The following ATXN7L1 variants were observed in gnomAD, a reference collection of about 807,000 sequenced individuals.
The protein encoded by ATXN7L1 is ataxin 7 like 1, also known as ataxin-7-like protein 1.
A neutral mutation model predicts 70.8 loss-of-function variants in ATXN7L1; 15 were observed. The observed-to-expected ratio is 0.21, with a 90% CI of 0.14 to 0.33. The LOEUF (loss-of-function observed/expected upper bound fraction) is 0.33, where lower values mean the gene tolerates loss of function less well. ATXN7L1 is among the 10% of genes least tolerant of loss of function. The probability of loss-of-function intolerance (pLI) is 1.00; values close to 1 mark genes in which losing one functional copy is unlikely to be tolerated. For synonymous variants in ATXN7L1, 440 were observed against 445.1 expected (o/e 0.99, Z 0.14); for missense variants, 975 against 1,097.1 (o/e 0.89, Z 1.57).
Position 105,876,575 on chromosome 7 carries a change from C to A in ATXN7L1, c.-17G>T, listed in dbSNP as rs1447112438. ...CGACGTCATCTTCGGAACGTTCCGA[C>A]ATTGAGTGTTCTGAAAGGGGGAGGG... On this transcript the variant is annotated 5_prime_UTR_variant, in exon 1 of 12. An upstream start codon of the reference 5' UTR is lost. Coordinates refer to ENST00000419735, the MANE Select transcript of ATXN7L1 (RefSeq NM_020725.2). The A allele has an allele frequency of 4.6e-6, 6 of 1,298,282 alleles. No homozygotes were observed. Among genetic ancestry groups the A allele is most frequent in the African/African-American group, 1.6e-5 (1 of 61,906 alleles). The allele number at this position is 1,298,282 out of a possible 1,614,324, so 80.4% of individuals were successfully genotyped here.
At chr7:105,688,795 T>C (rs1351167860) in intron 3 of ATXN7L1, among the ~76,000 whole-genome samples, 1 of 152,224 alleles carries the variant, frequency 6.6e-6, no homozygotes, top group Non-Finnish European at 1.5e-5. Flanking sequence ...GCTGAAGTAG[T>C]CTACAAGTAC....
intron 9 of ATXN7L1, chr7:105,617,752 A>G (rs1203010371): frequency 5.6e-6 from 2 of 358,646 alleles, no homozygotes; most frequent in Non-Finnish European, 1.1e-5. Flanking sequence ...GACAGTGCCC[A>G]ACCTCCCCTG....
At chr7:105,771,213 A>AATAATAATG (rs1488150901) in intron 3 of ATXN7L1, among the ~76,000 whole-genome samples, 1 of 148,382 alleles carries the variant, frequency 6.7e-6, no homozygotes, top group East Asian at 2.0e-4. Flanking sequence ...TAATAATAAT[A>AATAATAATG]ATAATAATAA....
intron 3 of ATXN7L1, among the ~76,000 whole-genome samples, chr7:105,714,084 T>A (rs1794240797): frequency 6.6e-6 from 1 of 152,244 alleles, no homozygotes; most frequent in African/African-American, 2.4e-5. Flanking sequence ...TCATCTAATC[T>A]CCACAACTCT....
chr7:105,751,210 G>C (rs906871040), intron 3 of ATXN7L1, among the ~76,000 whole-genome samples: 1 of 152,164 alleles, frequency 6.6e-6, no homozygotes, highest in Non-Finnish European at 1.5e-5. Context: ...GGAAGGGATG[G>C]ATGGGAAGGT....
At chr7:105,694,074 G>A (rs1791394700) in intron 3 of ATXN7L1, among the ~76,000 whole-genome samples, 1 of 149,458 alleles carries the variant, frequency 6.7e-6, no homozygotes, top group Admixed American at 6.6e-5. Context: ...TTAAGGCAGA[G>A]TCTCGCTCTG....
chr7:105,771,980 A>G (rs1333986574), intron 3 of ATXN7L1, among the ~76,000 whole-genome samples: 2 of 152,118 alleles, frequency 1.3e-5, no homozygotes, highest in Non-Finnish European at 2.9e-5. Flanking sequence ...ATTAGAAGTT[A>G]GAAATAAGTC....
At chr7:105,865,676 C>G (rs1291058102) in intron 2 of ATXN7L1, among the ~76,000 whole-genome samples, 1 of 152,208 alleles carries the variant, frequency 6.6e-6, no homozygotes, top group Admixed American at 6.5e-5. Flanking sequence ...GCTGGGATTA[C>G]AGGCGTGAGC....
chr7:105,701,377 G>A (rs755233747), intron 3 of ATXN7L1, among the ~76,000 whole-genome samples: 1 of 152,118 alleles, frequency 6.6e-6, no homozygotes, highest in Non-Finnish European at 1.5e-5. Flanking sequence ...ATATATGCAT[G>A]TAGATACATA....
rs1379927406 is a variant in ATXN7L1 at position 105,811,473 on chromosome 7, CAGCCCT to C, written c.251-22771_251-22766del. Among the ~76,000 whole-genome samples the C allele has an allele frequency of 4.6e-5, 7 of 152,148 alleles. 1 individual carries two copies. Among genetic ancestry groups the C allele is most frequent in the African/African-American group, 1.7e-4 (7 of 41,426 alleles). On this transcript the variant is annotated intron_variant, in intron 2 of 11. Transcript: ENST00000419735. Reference sequence around the variant, plus strand: ...TCTAGTTTGTGGTACTTTGTTGCGGCAGCCCTAGCAAACTATTACAGGGGGTAAGCT... The same window carrying C: ...TCTAGTTTGTGGTACTTTGTTGCGGCAGCAAACTATTACAGGGGGTAAGCT...
chr7:105,772,151 G>A (rs1802106345), intron 3 of ATXN7L1, among the ~76,000 whole-genome samples: 1 of 133,210 alleles, frequency 7.5e-6, no homozygotes, highest in Non-Finnish European at 1.5e-5. Flanking sequence ...TCGGCTTACT[G>A]CAACCTCTGC....
chr7:105,662,368 C>T (rs1801846995), intron 4 of ATXN7L1, among the ~76,000 whole-genome samples: 1 of 152,132 alleles, frequency 6.6e-6, no homozygotes, highest in Non-Finnish European at 1.5e-5. Flanking sequence ...TCCCAAAGTG[C>T]TGGGATTACA....
At chr7:105,617,245 C>T (rs1292346462) in intron 9 of ATXN7L1, among the ~76,000 whole-genome samples, 1 of 152,116 alleles carries the variant, frequency 6.6e-6, no homozygotes. Context: ...AGGATGGTCT[C>T]GATCTCCTAA....
intron 2 of ATXN7L1, among the ~76,000 whole-genome samples, chr7:105,854,513 C>A (rs1815414298): frequency 8.6e-6 from 1 of 115,622 alleles, no homozygotes; most frequent in Non-Finnish European, 1.7e-5. Context: ...CAAAACAAAC[C>A]CCAGACCCTT....
intron 3 of ATXN7L1, among the ~76,000 whole-genome samples, chr7:105,763,669 A>G (rs531512725): frequency 6.6e-6 from 1 of 152,316 alleles, no homozygotes; most frequent in African/African-American, 2.4e-5. Context: ...ATTTGACACT[A>G]GGTGGGAATT....
chr7:105,788,525 T>C, intron 3 of ATXN7L1, 79 bp downstream of exon 3: 11 of 1,177,586 alleles, frequency 9.3e-6, no homozygotes, highest in Non-Finnish European at 1.4e-5. Context: ...GGCGAGACCC[T>C]GTCGGGGAGC....
At chr7:105,620,953 G>C (rs902144273) in intron 8 of ATXN7L1, among the ~76,000 whole-genome samples, 1 of 151,524 alleles carries the variant, frequency 6.6e-6, no homozygotes, top group Non-Finnish European at 1.5e-5. Flanking sequence ...AGGACCATCT[G>C]TTTGTCCTAT....
intron 3 of ATXN7L1, among the ~76,000 whole-genome samples, chr7:105,716,665 GCACACACA>G (rs58217531): frequency 0.1 from 12,492 of 124,770 alleles, 823 homozygotes; most frequent in East Asian, 0.18. Flanking sequence ...ACCTATCTCT[GCACACACA>G]CACACACACA....
intron 4 of ATXN7L1, among the ~76,000 whole-genome samples, chr7:105,644,602 TC>T (rs1264141757): frequency 1.3e-5 from 2 of 152,204 alleles, no homozygotes; most frequent in African/African-American, 2.4e-5. Flanking sequence ...CTCAAAGCAC[TC>T]CCATATCACT....
Sources: allele counts gnomAD v4.1 joint callset (sites outside exome capture counted in the v4.1 genomes callset), GRCh38; gene constraint gnomAD v4.1.1; transcripts MANE v1.5; gene names NCBI Gene and HGNC (gene_info 2026-07-23, HGNC 2026-07-21).